BBOX1: variants seen among roughly 807,000 people sequenced by gnomAD.
BBOX1 encodes the protein gamma-butyrobetaine dioxygenase.
In BBOX1, 35 loss-of-function variants were observed where a neutral mutation model predicts 41.6. The observed-to-expected ratio is 0.84, with a 90% CI of 0.64 to 1.11. The LOEUF is 1.11. Ranked by LOEUF, BBOX1 falls within the 50% of genes most tolerant of loss-of-function variation. The probability of loss-of-function intolerance (pLI) is 0.00; values close to 1 mark genes in which losing one functional copy is unlikely to be tolerated. For synonymous variants in BBOX1, 163 were observed against 154.7 expected (o/e 1.05, Z -0.40); for missense variants, 458 against 460.6 (o/e 0.99, Z 0.05).
chr11:27,071,617 A>G (rs1857454003), intron 4 of BBOX1, among the ~76,000 whole-genome samples: 1 of 152,110 alleles, frequency 6.6e-6, no homozygotes, highest in Admixed American at 6.6e-5. Context: ...CACCAACAAA[A>G]AAAAGAGAAT....
At chr11:27,072,590 C>CA (rs1857490791) in intron 4 of BBOX1, among the ~76,000 whole-genome samples, 2 of 152,106 alleles carry the variant, frequency 1.3e-5, no homozygotes, top group African/African-American at 4.8e-5. Flanking sequence ...TATATGGAAA[C>CA]AAAAAAGAGC....
chr11:27,074,222 C>T (rs1857561810), intron 4 of BBOX1, among the ~76,000 whole-genome samples: 1 of 151,966 alleles, frequency 6.6e-6, no homozygotes, highest in African/African-American at 2.4e-5. Context: ...ATCAATTAAA[C>T]CCGCTTTCCT....
At chr11:27,042,034 A>T (rs1357183019) in intron 2 of BBOX1, among the ~76,000 whole-genome samples, 1 of 152,194 alleles carries the variant, frequency 6.6e-6, no homozygotes, top group African/African-American at 2.4e-5. Flanking sequence ...TTGTTCCCTT[A>T]ACGAAGCTCA....
At chr11:27,120,822 C>T (rs1489304381) in intron 7 of BBOX1, among the ~76,000 whole-genome samples, 2 of 151,974 alleles carry the variant, frequency 1.3e-5, no homozygotes, top group African/African-American at 4.8e-5. Context: ...ATTAAATCCC[C>T]AGTACATTCA....
chr11:27,055,261 A>G (rs1199635920), intron 2 of BBOX1, 132 bp from the exon 3 acceptor site: 2 of 588,834 alleles, frequency 3.4e-6, no homozygotes, highest in African/African-American at 1.8e-5. Flanking sequence ...CCCAGCGTCA[A>G]TAAGTCAAAC....
Position 27,055,406 on chromosome 11 carries a change from G to GC in BBOX1, c.-24dup, listed in dbSNP as rs1856946150. The GC allele has an allele frequency of 2.5e-6, 4 of 1,603,236 alleles. No individual in the cohort carries two copies. The highest frequency in any genetic ancestry group is 3.4e-6 in the Non-Finnish European group (4 of 1,172,104). ...GATTTGTCATAGCAGGTAGCTGACA[G>GC]CATCTACTCCTGAAGACCGGAAACA... is the stretch of plus-strand genomic sequence containing the variant. On this transcript the variant is annotated 5_prime_UTR_variant, in exon 3 of 9. Transcript: ENST00000263182.
intron 6 of BBOX1, among the ~76,000 whole-genome samples, chr11:27,116,680 C>A (rs1859275558): frequency 6.6e-6 from 1 of 151,984 alleles, no homozygotes; most frequent in Non-Finnish European, 1.5e-5. Context: ...TATTCACCAC[C>A]AGTAGGCTAG....
chr11:27,047,726 C>G (rs1006131844), intron 2 of BBOX1, among the ~76,000 whole-genome samples: 1 of 152,008 alleles, frequency 6.6e-6, no homozygotes, highest in Admixed American at 6.6e-5. Flanking sequence ...TTCCTAGCCT[C>G]TTTCTACTTC....
chr11:27,101,878 T>C (rs1336792150), intron 5 of BBOX1, among the ~76,000 whole-genome samples: 1 of 152,124 alleles, frequency 6.6e-6, no homozygotes, highest in African/African-American at 2.4e-5. Context: ...TGTTAGGAAA[T>C]TTCAAGTATA....
At chr11:27,056,307 G>T (rs1856977655) in intron 3 of BBOX1, among the ~76,000 whole-genome samples, 1 of 152,044 alleles carries the variant, frequency 6.6e-6, no homozygotes, top group Non-Finnish European at 1.5e-5. Flanking sequence ...GCCCAGGCTG[G>T]AATGCAGTGG....
chr11:27,056,414 T>A (rs1311389449), intron 3 of BBOX1, among the ~76,000 whole-genome samples: 1 of 152,008 alleles, frequency 6.6e-6, no homozygotes, highest in Non-Finnish European at 1.5e-5. Flanking sequence ...TGGGCCACCA[T>A]GCCCGGCTAA....
At chr11:27,059,153 A>G (rs1235768743) in intron 4 of BBOX1, among the ~76,000 whole-genome samples, 1 of 152,136 alleles carries the variant, frequency 6.6e-6, no homozygotes, top group Non-Finnish European at 1.5e-5. Flanking sequence ...CAGCTCCCAC[A>G]TCCCAGCTGC....
At chr11:27,103,878 T>C (rs1403922426) in intron 5 of BBOX1, among the ~76,000 whole-genome samples, 1 of 152,156 alleles carries the variant, frequency 6.6e-6, no homozygotes, top group Non-Finnish European at 1.5e-5. Context: ...GTTGTTGTTG[T>C]TGCTAATTTT....
chr11:27,115,548 TCC>T lies in BBOX1; in HGVS notation c.631_632del (p.Pro211ThrfsTer17), dbSNP rs1334012630. The stretch of plus-strand genomic sequence containing the variant: ...ACACTGATTATCCAGCCCTCCATCA[TCC>T]ACCTGGGGTAAGTGAGCTTCAACAT... ...FHTDYPALHHPPGVQLLHCIK... is the reference protein window; with the variant it reads ...FHTDYPALHHXPGVQLLHCIK... On this transcript the variant is annotated frameshift_variant, in exon 6 of 9. Coordinates refer to ENST00000263182, the MANE Select transcript of BBOX1 (RefSeq NM_003986.3). LOFTEE classifies it high-confidence loss of function. The T allele has an allele frequency of 1.9e-6, 3 of 1,608,948 alleles. No homozygotes were observed. In the African/African-American group the frequency reaches 4.0e-5, roughly 22 times the overall value.
intron 2 of BBOX1, among the ~76,000 whole-genome samples, chr11:27,048,428 CAG>C (rs1851559369): frequency 6.6e-6 from 1 of 151,468 alleles, no homozygotes; most frequent in South Asian, 2.1e-4. Context: ...TCAAAAATGA[CAG>C]AATTTACCTT....
chr11:27,063,890 C>A (rs1007894959), intron 4 of BBOX1, among the ~76,000 whole-genome samples: 4 of 152,156 alleles, frequency 2.6e-5, no homozygotes, highest in Non-Finnish European at 5.9e-5. Context: ...TCCTTTCTTG[C>A]AGAGAACCAT....
At chr11:27,126,676 TC>T (rs1412384236) in intron 8 of BBOX1, among the ~76,000 whole-genome samples, 15 of 127,238 alleles carry the variant, frequency 1.2e-4, no homozygotes, top group Admixed American at 9.2e-4. Context: ...TTCTTTTTTT[TC>T]TTTTTTTTTT....
chr11:27,110,792 A>G (rs1441878355), intron 5 of BBOX1, among the ~76,000 whole-genome samples: 1 of 151,996 alleles, frequency 6.6e-6, no homozygotes, highest in Non-Finnish European at 1.5e-5. Flanking sequence ...CTGATGCTAA[A>G]TCAATGACTG....
At chr11:27,097,988 C>G (rs998900696) in intron 5 of BBOX1, among the ~76,000 whole-genome samples, 4 of 151,990 alleles carry the variant, frequency 2.6e-5, no homozygotes, top group Admixed American at 1.3e-4. Context: ...CTATTCCTGG[C>G]CATCCCCTAA....
Sources: allele counts gnomAD v4.1 joint callset (sites outside exome capture counted in the v4.1 genomes callset), GRCh38; gene constraint gnomAD v4.1.1; transcripts MANE v1.5; gene names NCBI Gene and HGNC (gene_info 2026-07-23, HGNC 2026-07-21).